Variants in ROBO2 observed in about 807,000 individuals in gnomAD.
ROBO2 encodes the protein roundabout guidance receptor 2.
Under a neutral mutation model 160.8 loss-of-function variants are expected in ROBO2, and 53 were observed. That is an observed-to-expected ratio of 0.33 (90% CI 0.26 to 0.41). The LOEUF (loss-of-function observed/expected upper bound fraction) is 0.41, where lower values mean the gene tolerates loss of function less well. Among genes scored for constraint, ROBO2 ranks in the 10% least tolerant of loss-of-function variants. The pLI, the probability that ROBO2 is intolerant of heterozygous loss-of-function variation, is 1.00. For synonymous variants in ROBO2, 664 were observed against 611.7 expected (o/e 1.09, Z -1.26); for missense variants, 1,577 against 1,722.4 (o/e 0.92, Z 1.49).
intron 2 of ROBO2, among the ~76,000 whole-genome samples, chr3:77,289,646 G>C (rs1020685820): frequency 2.6e-5 from 4 of 151,196 alleles, no homozygotes. Context: ...GATCACCAAA[G>C]ACATAAAGTA....
intron 2 of ROBO2, among the ~76,000 whole-genome samples, chr3:77,014,454 C>T (rs559917375): frequency 3.8e-4 from 58 of 152,244 alleles, no homozygotes; most frequent in African/African-American, 1.3e-3. Context: ...AGGTGAACTG[C>T]GTAACTGTGT....
At position 76,943,244 on chromosome 3, in the gene ROBO2, G is replaced by T. The variant is rs553454891; in HGVS notation, c.110-154770G>T. Among the ~76,000 whole-genome samples, 4 of 152,230 alleles carry T rather than the reference G, an allele frequency of 2.6e-5. No individual in the cohort carries two copies. In the South Asian group the frequency reaches 6.2e-4, roughly 24 times the overall value. ...GCTACCTCAGAGGACTGGCATTTGC[G>T]CTGGGGAATTCCCTTCCATGAGCCT... On this transcript the variant is annotated intron_variant, in intron 2 of 26. Coordinates refer to the ROBO2 transcript ENST00000487694.
intron 2 of ROBO2, among the ~76,000 whole-genome samples, chr3:76,930,305 C>T (rs1342475812): frequency 6.6e-6 from 1 of 152,156 alleles, no homozygotes; most frequent in Non-Finnish European, 1.5e-5. Flanking sequence ...CCATGCCCGG[C>T]CTACTTTGTC....
intron 2 of ROBO2, among the ~76,000 whole-genome samples, chr3:77,200,265 T>C (rs1484666968): frequency 1.7e-5 from 1 of 59,040 alleles, no homozygotes; most frequent in Admixed American, 2.0e-4. Flanking sequence ...AACTAACATA[T>C]TTTATATATA....
chr3:76,911,927 T>G (rs1036919889), intron 2 of ROBO2, among the ~76,000 whole-genome samples: 3 of 151,920 alleles, frequency 2.0e-5, no homozygotes, highest in African/African-American at 7.3e-5. Context: ...TGTAATTGTA[T>G]CACTGCACTC....
intron 2 of ROBO2, among the ~76,000 whole-genome samples, chr3:77,228,609 G>A (rs1454780834): frequency 1.3e-5 from 2 of 151,932 alleles, no homozygotes; most frequent in East Asian, 3.9e-4. Context: ...GAAAGGGGAG[G>A]GGTAGCATTA....
chr3:76,251,387 C>A (rs1705989397), intron 2 of ROBO2, among the ~76,000 whole-genome samples: 1 of 151,850 alleles, frequency 6.6e-6, no homozygotes, highest in Admixed American at 6.6e-5. Context: ...TAGATCTAGG[C>A]AGGAAGAGGA....
At chr3:76,443,352 AAC>A in intron 2 of ROBO2, among the ~76,000 whole-genome samples, 1 of 152,046 alleles carries the variant, frequency 6.6e-6, no homozygotes, top group Non-Finnish European at 1.5e-5. Context: ...TATAGGAAAA[AAC>A]ACAGTGAATA....
At chr3:77,246,700 A>G (rs2089771586) in intron 2 of ROBO2, among the ~76,000 whole-genome samples, 2 of 152,290 alleles carry the variant, frequency 1.3e-5, no homozygotes, top group South Asian at 4.1e-4. Flanking sequence ...GAATTCCAAA[A>G]CTATACTGTA....
intron 2 of ROBO2, among the ~76,000 whole-genome samples, chr3:76,363,404 G>GTTTAAC (rs1285666754): frequency 6.6e-6 from 1 of 152,056 alleles, no homozygotes; most frequent in Non-Finnish European, 1.5e-5. Flanking sequence ...ACATTAAGAT[G>GTTTAAC]TTTAACACAC....
At chr3:77,183,289 C>T (rs1424987755) in intron 2 of ROBO2, among the ~76,000 whole-genome samples, 1 of 152,028 alleles carries the variant, frequency 6.6e-6, no homozygotes, top group African/African-American at 2.4e-5. Context: ...CTCAACTGGA[C>T]ATATGCCTGG....
intron 2 of ROBO2, among the ~76,000 whole-genome samples, chr3:77,224,438 A>G (rs922035189): frequency 6.6e-6 from 1 of 151,984 alleles, no homozygotes; most frequent in African/African-American, 2.4e-5. Context: ...TCCATTTGTG[A>G]CAAATCCTTA....
In ROBO2 at chr3:77,444,631, A is replaced by G. The variant is rs192872499; in HGVS notation, c.389-32783A>G. Among the ~76,000 whole-genome samples the G allele has an allele frequency of 7.7e-4, 118 of 152,318 alleles. No individual in the cohort carries two copies. The Middle Eastern group carries it at 0.014, about 18-fold the overall frequency. The stretch of plus-strand genomic sequence containing the variant: ...TACACATTGGAATTATTGATTTAGC[A>G]GCATTGACATCTCTACATAAAGCAC... On this transcript the variant is annotated intron_variant, in intron 2 of 25. Transcript: ENST00000461745.
chr3:76,290,167 AG>A lies in ROBO2; in HGVS notation c.109+352566del, dbSNP rs1288423810. On this transcript the variant is annotated intron_variant, in intron 2 of 26. Transcript: ENST00000487694. ...ATTTCATGAAATGATTTCTTTCAGCAGTGTTTTGAAATCCTCACTGTAGGGA... is the reference window on the plus strand; with the variant it reads ...ATTTCATGAAATGATTTCTTTCAGCATGTTTTGAAATCCTCACTGTAGGGA... 2.0e-5 allele frequency among the ~76,000 whole-genome samples: 3 copies of A among 152,066 alleles called. No individual in the cohort carries two copies. The South Asian group carries it at 6.2e-4, about 31-fold the overall frequency.
At chr3:76,983,969 G>C (rs1356808984) in intron 2 of ROBO2, among the ~76,000 whole-genome samples, 1 of 152,220 alleles carries the variant, frequency 6.6e-6, no homozygotes, top group Non-Finnish European at 1.5e-5. Flanking sequence ...AATCATGGCA[G>C]AATGCAAAGG....
intron 2 of ROBO2, among the ~76,000 whole-genome samples, chr3:77,348,903 C>T (rs1275845599): frequency 2.6e-5 from 4 of 152,040 alleles, no homozygotes; most frequent in Non-Finnish European, 5.9e-5. Context: ...TCTTTTCCAA[C>T]AGATATTCAT....
chr3:77,458,052 A>G lies in ROBO2; in HGVS notation c.389-19362A>G, dbSNP rs180747889. On this transcript the variant is annotated intron_variant, in intron 2 of 25. Transcript: ENST00000461745. Reference sequence around the variant, plus strand: ...CCAGGTATGTGCTAAATGCCAAAAAACTATTTCACTTAATCCTCATCGCCG... The same window carrying G: ...CCAGGTATGTGCTAAATGCCAAAAAGCTATTTCACTTAATCCTCATCGCCG... Among the ~76,000 whole-genome samples the G allele has an allele frequency of 2.3e-3, 355 of 152,266 alleles. 2 individuals carry two copies. The highest frequency in any genetic ancestry group is 5.5e-3 in the African/African-American group (229 of 41,566).
chr3:76,622,249 A>AGAAAGAAAGAAAGAAGGAAG (rs2089221513), intron 2 of ROBO2, among the ~76,000 whole-genome samples: 5 of 52,676 alleles, frequency 9.5e-5, no homozygotes, highest in Non-Finnish European at 1.9e-4. Flanking sequence ...AAAGAAAGAA[A>AGAAAGAAAGAAAGAAGGAAG]GAAAGAAAGA....
At chr3:77,239,107 T>A (rs1016162636) in intron 2 of ROBO2, among the ~76,000 whole-genome samples, 1 of 152,112 alleles carries the variant, frequency 6.6e-6, no homozygotes, top group Non-Finnish European at 1.5e-5. Flanking sequence ...GGGTTCTTGG[T>A]CTCGCTGACT....
Sources: gnomAD v4.1 joint callset for allele counts (sites outside exome capture counted in the v4.1 genomes callset) on GRCh38, gnomAD v4.1.1 for gene constraint, MANE v1.5 for transcripts, NCBI Gene and HGNC (gene_info 2026-07-23, HGNC 2026-07-21) for gene names.